The following SYNDIG1 variants were observed in gnomAD, a reference collection of about 807,000 sequenced individuals.
The protein encoded by SYNDIG1 is synapse differentiation inducing 1.
A neutral mutation model predicts 19.4 loss-of-function variants in SYNDIG1; 9 were observed. The ratio of observed to expected loss-of-function variants is 0.46; its 90% CI spans 0.28 to 0.81. The LOEUF is 0.81. Ranked by LOEUF, SYNDIG1 falls within the 30% of genes least tolerant of loss-of-function variation. SYNDIG1 has a pLI of 0.12. For missense variants in SYNDIG1, 311 were observed against 343.3 expected (o/e 0.91, Z 0.74); for synonymous variants, 141 against 145.9 (o/e 0.97, Z 0.24).
intron 2 of SYNDIG1, among the ~76,000 whole-genome samples, chr20:24,570,213 A>AT (rs1469047000): frequency 1.6e-4 from 24 of 152,236 alleles, no homozygotes; most frequent in African/African-American, 5.5e-4. Flanking sequence ...TTAGAAGAAA[A>AT]CAGAAAATCT....
At chr20:24,624,548 G>A (rs2059091856) in intron 3 of SYNDIG1, among the ~76,000 whole-genome samples, 1 of 151,984 alleles carries the variant, frequency 6.6e-6, no homozygotes. Flanking sequence ...AAAACATGAG[G>A]CAAAAACTGA....
At chr20:24,664,234 T>C (rs2059628640) in intron 3 of SYNDIG1, among the ~76,000 whole-genome samples, 2 of 152,132 alleles carry the variant, frequency 1.3e-5, no homozygotes, top group South Asian at 4.1e-4. Flanking sequence ...ATGAGCCATC[T>C]CTGAGTGTGA....
intron 1 of SYNDIG1, among the ~76,000 whole-genome samples, chr20:24,525,501 C>G (rs1351224380): frequency 6.6e-6 from 1 of 152,074 alleles, no homozygotes; most frequent in African/African-American, 2.4e-5. Context: ...CCAGGCTGGT[C>G]TCGAACTCCT....
chr20:24,520,081 C>T (rs1427916564), intron 1 of SYNDIG1, among the ~76,000 whole-genome samples: 1 of 152,070 alleles, frequency 6.6e-6, no homozygotes, highest in Non-Finnish European at 1.5e-5. Context: ...CAGTGATGCA[C>T]CTCGCAGTCA....
intron 3 of SYNDIG1, among the ~76,000 whole-genome samples, chr20:24,609,050 G>C (rs545186868): frequency 6.6e-6 from 1 of 152,114 alleles, no homozygotes; most frequent in Non-Finnish European, 1.5e-5. Flanking sequence ...GCTATTTTAC[G>C]TACGTCTCAG....
At chr20:24,539,895 C>T (rs1225472656) in intron 1 of SYNDIG1, among the ~76,000 whole-genome samples, 1 of 152,116 alleles carries the variant, frequency 6.6e-6, no homozygotes, top group East Asian at 1.9e-4. Context: ...TCTTCTGCCT[C>T]GGCCTCATGA....
rs1194028551 is a variant in SYNDIG1, at chr20:24,656,853, C to T, written c.619-8493C>T. ...TCCGAATCTCATATTGAGATGTAAC[C>T]CCCAGTGTTGGAGTTGGGGCCTGGT... On this transcript the variant is annotated intron_variant, in intron 3 of 3. Transcript: ENST00000376862. Among the ~76,000 whole-genome samples, 2 of 152,242 alleles carry T rather than the reference C, an allele frequency of 1.3e-5. 1 individual carries two copies. The highest frequency in any genetic ancestry group is 2.9e-5 in the Non-Finnish European group (2 of 68,050).
chr20:24,593,104 G>A (rs184618154), intron 3 of SYNDIG1, among the ~76,000 whole-genome samples: 33 of 152,292 alleles, frequency 2.2e-4, no homozygotes, highest in Admixed American at 1.6e-3. Flanking sequence ...GTACAGGTTT[G>A]TTATATAGGT....
At chr20:24,582,468 G>A (rs1220476355) in intron 2 of SYNDIG1, among the ~76,000 whole-genome samples, 4 of 86,728 alleles carry the variant, frequency 4.6e-5, no homozygotes, top group Non-Finnish European at 9.2e-5. Flanking sequence ...CCCTGCACGT[G>A]CTTCCCCCTG....
intron 2 of SYNDIG1, among the ~76,000 whole-genome samples, chr20:24,565,295 C>T (rs1980821): frequency 0.28 from 41,852 of 152,118 alleles, 6,250 homozygotes; most frequent in East Asian, 0.58. Context: ...TCTTTAGAAA[C>T]GGAATGTATA....
intron 1 of SYNDIG1, among the ~76,000 whole-genome samples, chr20:24,519,819 ACACG>A (rs1294255003): frequency 6.6e-6 from 1 of 151,744 alleles, no homozygotes; most frequent in Non-Finnish European, 1.5e-5. Context: ...ACAGACAGAC[ACACG>A]CACGCACGCG....
At chr20:24,530,209 C>G (rs1425844130) in intron 1 of SYNDIG1, among the ~76,000 whole-genome samples, 3 of 151,978 alleles carry the variant, frequency 2.0e-5, no homozygotes, top group African/African-American at 7.3e-5. Flanking sequence ...TTCTTGTTTC[C>G]AAAATCACAT....
chr20:24,506,360 A>T (rs1354733911), intron 1 of SYNDIG1, among the ~76,000 whole-genome samples: 1 of 152,228 alleles, frequency 6.6e-6, no homozygotes, highest in Non-Finnish European at 1.5e-5. Context: ...TGTGACTGTG[A>T]TGCCACGTCT....
chr20:24,623,155 G>A (rs1419083337), intron 3 of SYNDIG1, among the ~76,000 whole-genome samples: 1 of 149,508 alleles, frequency 6.7e-6, no homozygotes, highest in African/African-American at 2.5e-5. Flanking sequence ...CTCCAGCTTG[G>A]GTGACAGAGC....
intron 1 of SYNDIG1, among the ~76,000 whole-genome samples, chr20:24,513,234 G>A (rs1471763091): frequency 6.6e-6 from 1 of 152,172 alleles, no homozygotes; most frequent in South Asian, 2.1e-4. Flanking sequence ...CCCTTCAAAG[G>A]AACGCAGCTC....
intron 3 of SYNDIG1, among the ~76,000 whole-genome samples, chr20:24,654,692 G>GGAAGGAAGGAAGGAAA (rs1568718690): frequency 1.5e-4 from 23 of 150,754 alleles, no homozygotes; most frequent in African/African-American, 5.1e-4. Flanking sequence ...AAGGAAGGAA[G>GGAAGGAAGGAAGGAAA]GAAGGAAGAG....
intron 3 of SYNDIG1, among the ~76,000 whole-genome samples, chr20:24,604,770 C>T (rs2058729437): frequency 6.6e-6 from 1 of 152,162 alleles, no homozygotes; most frequent in Non-Finnish European, 1.5e-5. Flanking sequence ...CTTGCTTTCA[C>T]TTTACTCTAT....
At position 24,543,509 on chromosome 20, in the gene SYNDIG1, G is replaced by A. The variant is rs1205699101; in HGVS notation, c.412G>A (p.Ala138Thr). ...YPDGKFIDLS[A>T]DDIKIHTLSY... Reference sequence around the variant, plus strand: ...GGATGGGAAGTTCATTGACCTCTCAGCTGATGACATAAAAATCCACACCCT... The same window carrying A: ...GGATGGGAAGTTCATTGACCTCTCAACTGATGACATAAAAATCCACACCCT... The change falls in exon 2 of 4, where the codon GCT (alanine) becomes ACT (threonine). Residue 138 changes from alanine to threonine, a missense_variant. Transcript: ENST00000376862. The A allele has an allele frequency of 6.2e-7, 1 of 1,610,758 alleles. No homozygotes were observed.
intron 3 of SYNDIG1, among the ~76,000 whole-genome samples, chr20:24,650,279 C>G (rs1266462234): frequency 6.6e-6 from 1 of 152,232 alleles, no homozygotes; most frequent in Non-Finnish European, 1.5e-5. Context: ...AGCGTTTGTA[C>G]AAATGCTGTG....
Sources: gnomAD v4.1 joint callset for allele counts (sites outside exome capture counted in the v4.1 genomes callset) on GRCh38, gnomAD v4.1.1 for gene constraint, MANE v1.5 for transcripts, NCBI Gene and HGNC (gene_info 2026-07-23, HGNC 2026-07-21) for gene names.